Variants in LRRC4C observed in about 807,000 individuals in gnomAD.
The protein encoded by LRRC4C is leucine rich repeat containing 4C.
A neutral mutation model predicts 33.6 loss-of-function variants in LRRC4C; 5 were observed. The observed-to-expected ratio is 0.15, with a 90% confidence interval of 0.08 to 0.31. LRRC4C has a LOEUF of 0.31. Ranked by LOEUF, LRRC4C falls within the 10% of genes least tolerant of loss-of-function variation. The pLI, the probability that LRRC4C is intolerant of heterozygous loss-of-function variation, is 1.00. For synonymous variants in LRRC4C, 329 were observed against 302.0 expected (o/e 1.09, Z -0.93); for missense variants, 560 against 796.7 (o/e 0.70, Z 3.58).
At chr11:40,571,898 C>T (rs899354830) in intron 3 of LRRC4C, among the ~76,000 whole-genome samples, 2 of 152,160 alleles carry the variant, frequency 1.3e-5, no homozygotes, top group Admixed American at 1.3e-4. Flanking sequence ...TTCTCTAAAG[C>T]AGTGGCACAT....
chr11:41,044,357 A>G (rs1307037294), intron 1 of LRRC4C, among the ~76,000 whole-genome samples: 1 of 152,170 alleles, frequency 6.6e-6, no homozygotes, highest in Non-Finnish European at 1.5e-5. Flanking sequence ...ATAATGATTT[A>G]GCATGGAGGG....
chr11:41,208,949 A>G (rs564405798), intron 1 of LRRC4C, among the ~76,000 whole-genome samples: 32 of 152,178 alleles, frequency 2.1e-4, no homozygotes, highest in African/African-American at 6.5e-4. Flanking sequence ...GGGCTGCTGC[A>G]ACCCCCGTGG....
chr11:40,657,530 C>G (rs1386298078), intron 2 of LRRC4C, among the ~76,000 whole-genome samples: 1 of 152,168 alleles, frequency 6.6e-6, no homozygotes, highest in African/African-American at 2.4e-5. Flanking sequence ...AAATGCATAT[C>G]TAGTTGTCTC....
At chr11:40,925,743 C>T (rs1368755569) in intron 2 of LRRC4C, among the ~76,000 whole-genome samples, 1 of 152,140 alleles carries the variant, frequency 6.6e-6, no homozygotes, top group Non-Finnish European at 1.5e-5. Context: ...TTGCTTATCT[C>T]TATTATCATT....
chr11:40,392,381 C>A (rs1236137902), intron 3 of LRRC4C, among the ~76,000 whole-genome samples: 3 of 151,982 alleles, frequency 2.0e-5, no homozygotes, highest in Non-Finnish European at 2.9e-5. Context: ...CACATGAATG[C>A]AAGTTGTTTA....
intron 1 of LRRC4C, among the ~76,000 whole-genome samples, chr11:41,297,044 G>T (rs1391071641): frequency 6.6e-6 from 1 of 152,062 alleles, no homozygotes; most frequent in African/African-American, 2.4e-5. Flanking sequence ...TTATTATGTT[G>T]AGAAACTTTT....
intron 1 of LRRC4C, among the ~76,000 whole-genome samples, chr11:41,041,459 C>G (rs1857429585): frequency 6.6e-6 from 1 of 152,060 alleles, no homozygotes; most frequent in Admixed American, 6.5e-5. Flanking sequence ...CAGTACTGTT[C>G]CGGTCTTAAA....
intron 1 of LRRC4C, among the ~76,000 whole-genome samples, chr11:41,172,746 T>C (rs893576528): frequency 3.3e-5 from 5 of 152,160 alleles, no homozygotes; most frequent in African/African-American, 1.2e-4. Context: ...CTTAACACAA[T>C]AAATAGAACA....
At chr11:40,904,000 G>A (rs1198708023) in intron 2 of LRRC4C, among the ~76,000 whole-genome samples, 1 of 151,976 alleles carries the variant, frequency 6.6e-6, no homozygotes, top group Non-Finnish European at 1.5e-5. Context: ...CTGCAAAAAT[G>A]ACTGAAGTAC....
intron 1 of LRRC4C, among the ~76,000 whole-genome samples, chr11:41,322,718 C>A (rs148044870): frequency 9.3e-4 from 141 of 152,214 alleles, no homozygotes; most frequent in Middle Eastern, 3.4e-3. Flanking sequence ...TAAAGTGTAT[C>A]TTTTTTGAGT....
intron 5 of LRRC4C, among the ~76,000 whole-genome samples, chr11:40,144,665 A>C (rs1565047614): frequency 6.6e-6 from 1 of 152,236 alleles, no homozygotes; most frequent in Non-Finnish European, 1.5e-5. Context: ...TATAGGAGGA[A>C]GGCGAATGAG....
chr11:40,942,554 C>T (rs979313088), intron 1 of LRRC4C, among the ~76,000 whole-genome samples: 26 of 152,166 alleles, frequency 1.7e-4, no homozygotes, highest in African/African-American at 5.1e-4. Context: ...AAGTAGTGCA[C>T]TAGAGTTGGA....
At chr11:40,655,428 T>A (rs925735775) in intron 2 of LRRC4C, among the ~76,000 whole-genome samples, 1 of 152,196 alleles carries the variant, frequency 6.6e-6, no homozygotes, top group African/African-American at 2.4e-5. Context: ...GGTTAATAAA[T>A]AAAAATATGG....
chr11:41,353,819 T>A (rs932557649), intron 1 of LRRC4C, among the ~76,000 whole-genome samples: 47 of 151,994 alleles, frequency 3.1e-4, no homozygotes, highest in African/African-American at 1.1e-3. Flanking sequence ...AAATTCAACA[T>A]CCCTTCATGT....
intron 2 of LRRC4C, among the ~76,000 whole-genome samples, chr11:40,700,930 G>C (rs999788003): frequency 6.6e-6 from 1 of 151,946 alleles, no homozygotes; most frequent in Non-Finnish European, 1.5e-5. Flanking sequence ...TATTGACTTC[G>C]CTCTTTCCAA....
chr11:40,338,029 G>A (rs1452052160), intron 3 of LRRC4C, among the ~76,000 whole-genome samples: 2 of 152,052 alleles, frequency 1.3e-5, no homozygotes, highest in African/African-American at 2.4e-5. Context: ...ATCAAACTGT[G>A]GAAATCTTGT....
At chr11:40,159,129 GT>G (rs1554960800) in intron 5 of LRRC4C, among the ~76,000 whole-genome samples, 2 of 151,786 alleles carry the variant, frequency 1.3e-5, no homozygotes, top group Admixed American at 6.6e-5. Context: ...TTTGGTCGTT[GT>G]TTTTTTTGTA....
intron 2 of LRRC4C, among the ~76,000 whole-genome samples, chr11:40,888,237 G>A (rs982886609): frequency 1.3e-5 from 2 of 151,648 alleles, no homozygotes; most frequent in African/African-American, 4.8e-5. Context: ...CTCCCATATA[G>A]ATATAAACAT....
At chr11:40,590,185 T>C (rs1403168165) in intron 3 of LRRC4C, among the ~76,000 whole-genome samples, 2 of 151,912 alleles carry the variant, frequency 1.3e-5, no homozygotes, top group Non-Finnish European at 2.9e-5. Context: ...TTCTTTTTAT[T>C]CTTTTTTCTC....
Sources: gnomAD v4.1 joint callset for allele counts (sites outside exome capture counted in the v4.1 genomes callset) on GRCh38, gnomAD v4.1.1 for gene constraint, MANE v1.5 for transcripts, NCBI Gene and HGNC (gene_info 2026-07-23, HGNC 2026-07-21) for gene names.